GRID1: variants seen among roughly 807,000 people sequenced by gnomAD.
The protein encoded by GRID1 is glutamate receptor ionotropic, delta-1.
GRID1 carries 28 observed loss-of-function variants against 98.0 expected under a neutral mutation model. The ratio of observed to expected loss-of-function variants is 0.29; its 90% confidence interval spans 0.21 to 0.39. The LOEUF (loss-of-function observed/expected upper bound fraction) is 0.39, where lower values mean the gene tolerates loss of function less well. Ranked by LOEUF, GRID1 falls within the 10% of genes least tolerant of loss-of-function variation. The probability of loss-of-function intolerance (pLI) is 1.00; values close to 1 mark genes in which losing one functional copy is unlikely to be tolerated. For synonymous variants in GRID1, 553 were observed against 538.5 expected, an observed-to-expected ratio of 1.03 and a Z score of -0.37; for missense variants, 1,111 against 1,340.5, an observed-to-expected ratio of 0.83 and a Z score of 2.67.
chr10:86,029,093 C>A (rs1368394466), intron 4 of GRID1, among the ~76,000 whole-genome samples: 1 of 152,190 alleles, frequency 6.6e-6, no homozygotes, highest in Non-Finnish European at 1.5e-5. Context: ...CCTCTCATCT[C>A]CAGCATAGTA....
intron 2 of GRID1, among the ~76,000 whole-genome samples, chr10:86,351,671 G>A (rs1848464585): frequency 6.6e-6 from 1 of 152,186 alleles, no homozygotes; most frequent in Non-Finnish European, 1.5e-5. Flanking sequence ...AGGATCAGAG[G>A]CTCACCCACA....
intron 2 of GRID1, among the ~76,000 whole-genome samples, chr10:86,212,933 G>C (rs1477472494): frequency 6.6e-6 from 1 of 152,102 alleles, no homozygotes; most frequent in Non-Finnish European, 1.5e-5. Flanking sequence ...TGCTGTAAGA[G>C]GCCAATGCTA....
At chr10:86,151,914 C>T (rs1845174967) in intron 3 of GRID1, among the ~76,000 whole-genome samples, 1 of 152,238 alleles carries the variant, frequency 6.6e-6, no homozygotes, top group Non-Finnish European at 1.5e-5. Flanking sequence ...ATCTTACCCA[C>T]TCAGGCTTGC....
intron 4 of GRID1, among the ~76,000 whole-genome samples, chr10:85,926,572 G>A (rs1425081296): frequency 6.6e-6 from 1 of 152,056 alleles, no homozygotes; most frequent in African/African-American, 2.4e-5. Flanking sequence ...CCTTATAGAA[G>A]GTAGAAACAG....
At chr10:86,093,359 C>T (rs964629001) in intron 4 of GRID1, among the ~76,000 whole-genome samples, 1 of 149,866 alleles carries the variant, frequency 6.7e-6, no homozygotes, top group South Asian at 2.1e-4. Context: ...AAGAAAATAA[C>T]CAAGATCAGA....
rs1848275179 is a variant in GRID1 at position 86,339,264 on chromosome 10, G to A, written c.235+24677C>T. 3.3e-5 allele frequency among the ~76,000 whole-genome samples: 5 copies of A among 152,366 alleles called. No homozygotes were observed. The South Asian group carries it at 1.0e-3, about 32-fold the overall frequency. ...TCGAGAAACATCTCCTGAGCTGCAA[G>A]GGAAGGCAGGGGAGGAGGAGGAGGA... On this transcript the variant is annotated intron_variant, in intron 2 of 15. Transcript: ENST00000327946.
intron 12 of GRID1, among the ~76,000 whole-genome samples, chr10:85,678,313 C>T (rs1841168498): frequency 6.6e-6 from 1 of 152,146 alleles, no homozygotes; most frequent in Non-Finnish European, 1.5e-5. Flanking sequence ...TGTTGATATC[C>T]TGAAGGAAAA....
chr10:86,193,853 C>T (rs1845838266), intron 3 of GRID1, among the ~76,000 whole-genome samples: 1 of 152,014 alleles, frequency 6.6e-6, no homozygotes, highest in South Asian at 2.1e-4. Context: ...CCCTCCCTTC[C>T]ACTGCTCACT....
At chr10:85,687,292 C>T (rs2132605365) in intron 12 of GRID1, among the ~76,000 whole-genome samples, 1 of 152,152 alleles carries the variant, frequency 6.6e-6, no homozygotes, top group African/African-American at 2.4e-5. Flanking sequence ...TAAGATGACA[C>T]TATTTTATTC....
chr10:86,230,721 C>T lies in GRID1; in HGVS notation c.236-24073G>A, dbSNP rs145111938. Among the ~76,000 whole-genome samples the T allele has an allele frequency of 2.7e-3, 404 of 152,282 alleles. 3 individuals carry two copies. Among genetic ancestry groups the T allele is most frequent in the African/African-American group, 9.2e-3 (382 of 41,556 alleles). The stretch of plus-strand genomic sequence containing the variant: ...TTCCTACTCATACTTCAAGAGTTTG[C>T]TCAGTTGTCACCTCCTCCACGAAGA... On this transcript the variant is annotated intron_variant, in intron 2 of 15. Coordinates refer to ENST00000327946, the MANE Select transcript of GRID1 (RefSeq NM_017551.3).
intron 4 of GRID1, among the ~76,000 whole-genome samples, chr10:86,096,570 C>A (rs75546885): frequency 0.013 from 2,008 of 152,298 alleles, 43 homozygotes; most frequent in African/African-American, 0.046. Context: ...CAAAAGCTAC[C>A]ATCCGTGGAC....
At chr10:85,947,935 T>C (rs1322827979) in intron 4 of GRID1, among the ~76,000 whole-genome samples, 1 of 152,200 alleles carries the variant, frequency 6.6e-6, no homozygotes, top group Non-Finnish European at 1.5e-5. Context: ...TAAGCAACCT[T>C]ACAATAAGCC....
intron 12 of GRID1, among the ~76,000 whole-genome samples, chr10:85,720,112 G>T (rs190675447): frequency 6.6e-6 from 1 of 152,120 alleles, no homozygotes; most frequent in Non-Finnish European, 1.5e-5. Flanking sequence ...CTTTATCAAT[G>T]TTTTTGAGGA....
chr10:85,738,311 G>T (rs568464853), intron 8 of GRID1, among the ~76,000 whole-genome samples: 8 of 152,248 alleles, frequency 5.3e-5, no homozygotes, highest in African/African-American at 1.7e-4. Flanking sequence ...AGTCATCAGG[G>T]AACTGCAAAG....
At chr10:85,884,731 G>A (rs767174982) in intron 5 of GRID1, among the ~76,000 whole-genome samples, 1 of 152,122 alleles carries the variant, frequency 6.6e-6, no homozygotes, top group Non-Finnish European at 1.5e-5. Flanking sequence ...CTTAAGCTAA[G>A]GTGGCTGCAA....
chr10:85,878,575 G>T lies in GRID1; in HGVS notation c.781-9395C>A, dbSNP rs955645217. On this transcript the variant is annotated intron_variant, in intron 5 of 15. Coordinates refer to ENST00000327946, the MANE Select transcript of GRID1 (RefSeq NM_017551.3). ...CTTTACAGACAAGCAAATGCTGAGA[G>T]ATTTTGTCACCACCAGGCCTGCCCT... 1.2e-3 allele frequency among the ~76,000 whole-genome samples: 187 copies of T among 152,254 alleles called. 1 individual carries two copies. The highest frequency in any genetic ancestry group is 4.4e-3 in the African/African-American group (183 of 41,544).
chr10:85,680,832 C>A (rs908512710), intron 12 of GRID1, among the ~76,000 whole-genome samples: 1 of 152,150 alleles, frequency 6.6e-6, no homozygotes, highest in Admixed American at 6.5e-5. Context: ...ATCACTTTTG[C>A]AGCAATGTGG....
intron 4 of GRID1, among the ~76,000 whole-genome samples, chr10:86,034,280 A>G (rs1843225538): frequency 6.6e-6 from 1 of 152,318 alleles, no homozygotes; most frequent in Non-Finnish European, 1.5e-5. Flanking sequence ...GCAGAATATC[A>G]AATATATAAA....
chr10:86,215,154 G>A (rs796151339), intron 2 of GRID1, among the ~76,000 whole-genome samples: 9 of 152,350 alleles, frequency 5.9e-5, no homozygotes, highest in African/African-American at 2.2e-4. Context: ...AGCTGTGCAA[G>A]TATCTCACCA....
Sources: allele counts gnomAD v4.1 joint callset (sites outside exome capture counted in the v4.1 genomes callset), GRCh38; gene constraint gnomAD v4.1.1; transcripts MANE v1.5; gene names NCBI Gene and HGNC (gene_info 2026-07-23, HGNC 2026-07-21).